The following KCND3 variants were observed in gnomAD, a reference collection of about 807,000 sequenced individuals.
KCND3 encodes potassium voltage-gated channel subfamily D member 3.
KCND3 carries 9 observed loss-of-function variants against 51.1 expected under a neutral mutation model. The observed-to-expected ratio is 0.18, with a 90% confidence interval of 0.11 to 0.31. The LOEUF (loss-of-function observed/expected upper bound fraction) is 0.31. Ranked by LOEUF, KCND3 falls within the 10% of genes least tolerant of loss-of-function variation. The pLI, the probability that KCND3 is intolerant of heterozygous loss-of-function variation, is 1.00. For synonymous variants in KCND3, 349 were observed against 368.0 expected (o/e 0.95, Z 0.59); for missense variants, 526 against 903.8 (o/e 0.58, Z 5.36).
chr1:111,982,238 G>C lies in KCND3; in HGVS notation c.489C>G (p.Leu163=). The stretch of plus-strand genomic sequence containing the variant: ...CCCGCCACATGGTCTGGCGGAAGCT[G>C]AGCGAGGGCATGGACTCCTGGTTGT... ...SENNQESMPS[L]SFRQTMWRAF... The change falls in exon 2 of 8, where the codon CTC becomes CTG. Residue 163 remains leucine, a synonymous_variant. Coordinates refer to ENST00000302127, the MANE Select transcript of KCND3 (RefSeq NM_001378969.1). This position sits in a 1 kb window ranked among gnomAD's most constrained non-coding sequence, Gnocchi z 8.5. 1 of 1,614,110 alleles carries C rather than the reference G, an allele frequency of 6.2e-7. No individual in the cohort carries two copies. The highest frequency in any genetic ancestry group is 1.1e-5 in the South Asian group (1 of 91,074).
At chr1:111,863,731 T>C (rs568855626) in intron 2 of KCND3, among the ~76,000 whole-genome samples, 1 of 152,306 alleles carries the variant, frequency 6.6e-6, no homozygotes, top group African/African-American at 2.4e-5. Flanking sequence ...TAAAGGGTTT[T>C]AAGCAGGATA....
At chr1:111,829,593 T>C (rs1417841471) in intron 2 of KCND3, among the ~76,000 whole-genome samples, 1 of 152,162 alleles carries the variant, frequency 6.6e-6, no homozygotes, top group Non-Finnish European at 1.5e-5. Flanking sequence ...CAGGAATAAG[T>C]GTCCCCGGTC....
intron 2 of KCND3, among the ~76,000 whole-genome samples, chr1:111,917,090 G>A (rs1671251992): frequency 6.6e-6 from 1 of 152,174 alleles, no homozygotes; most frequent in Non-Finnish European, 1.5e-5. Context: ...TTAACAAAAT[G>A]TGATACCTAT....
intron 2 of KCND3, among the ~76,000 whole-genome samples, chr1:111,947,764 A>G (rs1002039618): frequency 3.3e-5 from 5 of 152,244 alleles, no homozygotes; most frequent in Non-Finnish European, 5.9e-5. Flanking sequence ...TGGCTAAAAA[A>G]TAACCTATAT....
chr1:111,872,956 C>A (rs901162587), intron 2 of KCND3, among the ~76,000 whole-genome samples: 6 of 152,234 alleles, frequency 3.9e-5, no homozygotes, highest in African/African-American at 1.4e-4. Flanking sequence ...GATGCTGTCT[C>A]TTCTCAACTT....
intron 2 of KCND3, among the ~76,000 whole-genome samples, chr1:111,826,181 A>C (rs1406375445): frequency 6.6e-6 from 1 of 152,126 alleles, no homozygotes; most frequent in African/African-American, 2.4e-5. Context: ...TTCATTACTG[A>C]TTTGCACGAG....
intron 2 of KCND3, among the ~76,000 whole-genome samples, chr1:111,801,647 C>A (rs1397646036): frequency 6.6e-6 from 1 of 152,206 alleles, no homozygotes; most frequent in Non-Finnish European, 1.5e-5. Flanking sequence ...ATATGGCCAC[C>A]AGGTGTCCCC....
intron 1 of KCND3, among the ~76,000 whole-genome samples, chr1:111,987,528 G>T (rs74112412): frequency 0.042 from 6,366 of 152,230 alleles, 356 homozygotes; most frequent in African/African-American, 0.13. Flanking sequence ...GGTGAAAGGG[G>T]AGGACAAGTG....
intron 2 of KCND3, among the ~76,000 whole-genome samples, chr1:111,839,338 C>T (rs538082754): frequency 1.3e-5 from 2 of 152,330 alleles, no homozygotes; most frequent in South Asian, 4.1e-4. Flanking sequence ...GAAGCAGGTG[C>T]TTTTATTTTC....
intron 2 of KCND3, among the ~76,000 whole-genome samples, chr1:111,950,870 G>C (rs759190813): frequency 5.2e-4 from 79 of 152,176 alleles, no homozygotes; most frequent in Non-Finnish European, 9.0e-4. Flanking sequence ...AGTCATTGCA[G>C]CTTAGTAAAG....
chr1:111,776,112 T>C lies in KCND3; in HGVS notation c.1933A>G (p.Ile645Val), dbSNP rs1263058217. The C allele has an allele frequency of 6.2e-7, 1 of 1,614,100 alleles. No homozygotes were observed. The highest frequency in any genetic ancestry group is 8.5e-7 in the Non-Finnish European group (1 of 1,180,038). Residue 645 changes from isoleucine to valine, a missense_variant, in exon 8 of 8, where the codon ATA (isoleucine) becomes GTA (valine). Around this residue, in one of 5 missense-constraint regions of KCND3, gnomAD observed 266 missense variants for 305.5 expected, o/e 0.87. Transcript: ENST00000302127. ...GAGACCTTGACAACATTGCTGGCTA[T>C]GGAAGGAATGTTCGTGTTGGGGCCT... ...SPGPNTNIPS[I>V]ASNVVKVSAL is the part of the protein sequence containing the mutation.
At chr1:111,800,401 C>G (rs1265401864) in intron 2 of KCND3, among the ~76,000 whole-genome samples, 3 of 104,762 alleles carry the variant, frequency 2.9e-5, no homozygotes, top group African/African-American at 1.1e-4. Context: ...GACACAAACA[C>G]TGCGGAAGGC....
intron 2 of KCND3, among the ~76,000 whole-genome samples, chr1:111,975,613 GC>G (rs987794198): frequency 6.6e-6 from 1 of 152,138 alleles, no homozygotes. Context: ...CTTTAAAAAT[GC>G]AAGTCAGTGG....
rs562276615 is a variant in KCND3 at position 111,846,812 on chromosome 1, A to G, written c.1107-59706T>C. Among the ~76,000 whole-genome samples, 5 of 152,300 alleles carry G rather than the reference A, an allele frequency of 3.3e-5. No homozygotes were observed. In the East Asian group the frequency reaches 9.6e-4, roughly 29 times the overall value. On this transcript the variant is annotated intron_variant, in intron 2 of 7. Transcript: ENST00000302127. ...AAGCAGGGGTTGTCATCTTCATTTGACAATGGGGGGAAACTGAGTCTTAGA... is the reference window on the plus strand; with the variant it reads ...AAGCAGGGGTTGTCATCTTCATTTGGCAATGGGGGGAAACTGAGTCTTAGA...
intron 2 of KCND3, among the ~76,000 whole-genome samples, chr1:111,966,639 A>G (rs1674005176): frequency 6.6e-6 from 1 of 152,180 alleles, no homozygotes; most frequent in Non-Finnish European, 1.5e-5. Context: ...GCCAGGACAG[A>G]TGTATCACAG....
intron 2 of KCND3, among the ~76,000 whole-genome samples, chr1:111,899,541 T>C (rs956854543): frequency 2.0e-5 from 3 of 152,186 alleles, no homozygotes; most frequent in Non-Finnish European, 4.4e-5. Context: ...CCAATGGCAA[T>C]TTCTGTGATT....
intron 2 of KCND3, among the ~76,000 whole-genome samples, chr1:111,850,053 A>T (rs1057492506): frequency 6.6e-6 from 1 of 152,180 alleles, no homozygotes; most frequent in Non-Finnish European, 1.5e-5. Flanking sequence ...CAGAGAGCCC[A>T]TAACTCATCA....
At chr1:111,958,593 C>T (rs1673463255) in intron 2 of KCND3, among the ~76,000 whole-genome samples, 1 of 152,236 alleles carries the variant, frequency 6.6e-6, no homozygotes, top group Non-Finnish European at 1.5e-5. Context: ...AACCTCCACT[C>T]TTCGTGCTCC....
intron 2 of KCND3, among the ~76,000 whole-genome samples, chr1:111,934,809 A>C (rs143677388): frequency 1.1e-3 from 161 of 152,322 alleles, no homozygotes; most frequent in African/African-American, 3.8e-3. Flanking sequence ...CAAGTGCTAT[A>C]AACTGCTTAT....
Sources: gnomAD v4.1 joint callset for allele counts (sites outside exome capture counted in the v4.1 genomes callset) on GRCh38, gnomAD v4.1.1 for gene constraint, gnomAD v4.1.1 regional missense constraint, Gnocchi (gnomAD v3.1) non-coding constraint, MANE v1.5 for transcripts, NCBI Gene and HGNC (gene_info 2026-07-23, HGNC 2026-07-21) for gene names.